Variants in MALT1 observed in about 807,000 individuals in gnomAD.
MALT1 encodes mucosa-associated lymphoid tissue lymphoma translocation protein 1.
A neutral mutation model predicts 85.5 loss-of-function variants in MALT1; 36 were observed. That is an observed-to-expected ratio of 0.42 (90% confidence interval 0.32 to 0.56). The LOEUF is 0.56. MALT1 is among the 20% of genes least tolerant of loss of function. The probability of loss-of-function intolerance (pLI) is 0.10; values close to 1 mark genes in which losing one functional copy is unlikely to be tolerated. For synonymous variants in MALT1, 359 were observed against 361.3 expected (o/e 0.99, Z 0.07); for missense variants, 716 against 981.6 (o/e 0.73, Z 3.62).
At chr18:58,735,451 A>G in intron 13 of MALT1, 122 bp downstream of exon 13, 2 of 899,892 alleles carry the variant, frequency 2.2e-6, no homozygotes, top group South Asian at 2.0e-5. Flanking sequence ...ATTAGTACCT[A>G]CTTTATAAAA....
At chr18:58,735,734 G>A (rs1016915815) in intron 13 of MALT1, among the ~76,000 whole-genome samples, 1 of 152,110 alleles carries the variant, frequency 6.6e-6, no homozygotes, top group African/African-American at 2.4e-5. Flanking sequence ...CCCAGGATGG[G>A]AGAGAGAAAA....
intron 1 of MALT1, among the ~76,000 whole-genome samples, chr18:58,676,676 T>G (rs1049749095): frequency 6.6e-6 from 1 of 152,230 alleles, no homozygotes; most frequent in African/African-American, 2.4e-5. Context: ...CTTAAGACCA[T>G]TGGTTAGTTG....
At chr18:58,708,848 TAA>T (rs1021153635) in intron 4 of MALT1, among the ~76,000 whole-genome samples, 43 of 152,198 alleles carry the variant, frequency 2.8e-4, no homozygotes, top group African/African-American at 9.9e-4. Flanking sequence ...TCAGGAAACT[TAA>T]AGAGTATTAA....
chr18:58,738,372 T>C (rs1195777266), intron 13 of MALT1, among the ~76,000 whole-genome samples: 1 of 152,248 alleles, frequency 6.6e-6, no homozygotes, highest in East Asian at 1.9e-4. Context: ...CTACAGTTTT[T>C]TTCAACTACT....
chr18:58,710,185 ATG>A (rs1007029257), intron 6 of MALT1, 113 bp downstream of exon 6: 1 of 573,498 alleles, frequency 1.7e-6, no homozygotes, highest in Admixed American at 3.1e-5. Flanking sequence ...CTATTTAATG[ATG>A]TGTTAAGCAT....
At chr18:58,675,874 G>A (rs949668970) in intron 1 of MALT1, among the ~76,000 whole-genome samples, 4 of 152,182 alleles carry the variant, frequency 2.6e-5, no homozygotes, top group African/African-American at 7.2e-5. Flanking sequence ...ACTAAGACAC[G>A]TCTTAAATAT....
At chr18:58,679,819 G>A (rs1022427786) in intron 1 of MALT1, among the ~76,000 whole-genome samples, 3 of 152,132 alleles carry the variant, frequency 2.0e-5, no homozygotes, top group Non-Finnish European at 4.4e-5. Flanking sequence ...ACAGTGCTGG[G>A]ATTACGGGTG....
chr18:58,730,159 C>T (rs2055127307), intron 10 of MALT1, among the ~76,000 whole-genome samples: 1 of 152,174 alleles, frequency 6.6e-6, no homozygotes, highest in Non-Finnish European at 1.5e-5. Flanking sequence ...ATTTTGAATA[C>T]TTGATGGAGG....
chr18:58,726,318 CACATCTACACTAAATGTAAGTGTGGTA>C lies in MALT1; in HGVS notation c.1222+3068_1222+3094del, dbSNP rs1602326362. On this transcript the variant is annotated intron_variant, in intron 10 of 16. Coordinates refer to ENST00000649217, the MANE Select transcript of MALT1 (RefSeq NM_006785.4). ...TATTGTGAATATTCCAAACATCAGA[CACATCTACACTAAATGTAAGTGTGGTA>C]GAGGCTTGAGGGTTTAGGGCATATC... is the stretch of plus-strand genomic sequence containing the variant. Among the ~76,000 whole-genome samples, 5 of 151,710 alleles carry C rather than the reference CACATCTACACTAAATGTAAGTGTGGTA, an allele frequency of 3.3e-5. No individual in the cohort carries two copies. The East Asian group carries it at 9.7e-4, about 29-fold the overall frequency.
chr18:58,696,026 T>C (rs1005964886), intron 2 of MALT1, among the ~76,000 whole-genome samples: 1 of 152,226 alleles, frequency 6.6e-6, no homozygotes, highest in Non-Finnish European at 1.5e-5. Context: ...CTGACAGGCA[T>C]CTGTTATAAG....
At chr18:58,707,787 T>C (rs1236484915) in intron 4 of MALT1, among the ~76,000 whole-genome samples, 1 of 152,282 alleles carries the variant, frequency 6.6e-6, no homozygotes, top group East Asian at 1.9e-4. Flanking sequence ...GGGGTATGAG[T>C]CCATCCAGTT....
At chr18:58,697,818 G>A (rs1736805390) in intron 3 of MALT1, among the ~76,000 whole-genome samples, 1 of 152,236 alleles carries the variant, frequency 6.6e-6, no homozygotes, top group East Asian at 1.9e-4. Flanking sequence ...AGTGCTTGTT[G>A]AGCACCTGTT....
chr18:58,721,085 G>T (rs1194716369), intron 9 of MALT1, among the ~76,000 whole-genome samples: 1 of 152,128 alleles, frequency 6.6e-6, no homozygotes, highest in Non-Finnish European at 1.5e-5. Flanking sequence ...TATTTTAAAA[G>T]AAATTTTAAA....
At position 58,748,604 on chromosome 18, in the gene MALT1, T is replaced by A. The variant is rs1406886307; in HGVS notation, c.*762T>A. ...TAGATAGAGGTTAAGAATCAAGATA[T>A]AATGGATAATTTTCATAGCTGCCTA... On this transcript the variant is annotated 3_prime_UTR_variant, in exon 17 of 17. Coordinates refer to ENST00000649217, the MANE Select transcript of MALT1 (RefSeq NM_006785.4). 1 of 189,382 alleles carries A rather than the reference T, an allele frequency of 5.3e-6. No individual in the cohort carries two copies. The highest frequency in any genetic ancestry group is 1.1e-5 in the Non-Finnish European group (1 of 89,834). 11.7% of individuals were successfully genotyped at this position (189,382 alleles called of 1,614,324 possible).
rs776897845 is a variant in MALT1, at chr18:58,754,133, A to G, written c.*6291A>G. The G allele has an allele frequency of 6.6e-6, 1 of 152,212 alleles. No individual in the cohort carries two copies. The highest frequency in any genetic ancestry group is 1.5e-5 in the Non-Finnish European group (1 of 68,048). 9.4% of individuals were successfully genotyped at this position (152,212 alleles called of 1,614,324 possible). On this transcript the variant is annotated 3_prime_UTR_variant, in exon 17 of 17. Coordinates refer to ENST00000649217, the MANE Select transcript of MALT1 (RefSeq NM_006785.4). The stretch of plus-strand genomic sequence containing the variant: ...TGTTAGGCTAACCAGAGGTGTTACT[A>G]TACCCTCCAGGATAACCCAGCTAGT...
intron 2 of MALT1, among the ~76,000 whole-genome samples, chr18:58,689,586 A>C (rs1480055607): frequency 1.3e-5 from 2 of 152,204 alleles, no homozygotes; most frequent in Non-Finnish European, 2.9e-5. Context: ...CCTTGCCCTC[A>C]TGGAGCTTCT....
chr18:58,705,337 A>C (rs936295072), intron 4 of MALT1, among the ~76,000 whole-genome samples: 5 of 140,106 alleles, frequency 3.6e-5, no homozygotes, highest in African/African-American at 1.4e-4. Flanking sequence ...TATTTTTATT[A>C]TTATACTTTA....
chr18:58,725,052 C>A (rs1158903188), intron 10 of MALT1, among the ~76,000 whole-genome samples: 1 of 151,728 alleles, frequency 6.6e-6, no homozygotes. Flanking sequence ...ATGGTTTAAA[C>A]CCGGGAGGTG....
At chr18:58,700,967 A>AT (rs1365573463) in intron 4 of MALT1, among the ~76,000 whole-genome samples, 6 of 151,584 alleles carry the variant, frequency 4.0e-5, no homozygotes, top group Non-Finnish European at 8.8e-5. Flanking sequence ...TAATTTTTGT[A>AT]TTTTTAGTAG....
Sources: allele counts gnomAD v4.1 joint callset (sites outside exome capture counted in the v4.1 genomes callset), GRCh38; gene constraint gnomAD v4.1.1; transcripts MANE v1.5; gene names NCBI Gene and HGNC (gene_info 2026-07-23, HGNC 2026-07-21).